Variants in ACSF2 observed in about 807,000 individuals in gnomAD.
ACSF2 encodes the protein medium-chain acyl-CoA ligase ACSF2, mitochondrial.
Under a neutral mutation model 79.3 loss-of-function variants are expected in ACSF2, and 52 were observed. The observed-to-expected ratio is 0.66, with a 90% CI of 0.53 to 0.83. The LOEUF is 0.83. Ranked by LOEUF, ACSF2 falls within the 40% of genes least tolerant of loss-of-function variation. The pLI, the probability that ACSF2 is intolerant of heterozygous loss-of-function variation, is 0.00. For missense variants in ACSF2, 661 were observed against 803.3 expected (o/e 0.82, Z 2.14); for synonymous variants, 283 against 312.6 (o/e 0.91, Z 1.00).
intron 10 of ACSF2, among the ~76,000 whole-genome samples, chr17:50,466,090 C>CTTTTTTTTTTTTTTTT (rs2032699294): frequency 8.2e-6 from 1 of 122,446 alleles, no homozygotes; most frequent in African/African-American, 3.2e-5. Context: ...TTTTTTTTTT[C>CTTTTTTTTTTTTTTTT]CTTTTTTTTT....
At chr17:50,433,095 A>G (rs868074518) in intron 1 of ACSF2, among the ~76,000 whole-genome samples, 2 of 148,800 alleles carry the variant, frequency 1.3e-5, no homozygotes, top group Admixed American at 1.4e-4. Flanking sequence ...ACACACTTAA[A>G]TATGTTTTTC....
At chr17:50,426,660 G>A (rs1227164894) in intron 1 of ACSF2, among the ~76,000 whole-genome samples, 1 of 152,190 alleles carries the variant, frequency 6.6e-6, no homozygotes, top group Non-Finnish European at 1.5e-5. Context: ...GGGCACAGAG[G>A]GCAAGGAGTG....
intron 1 of ACSF2, among the ~76,000 whole-genome samples, chr17:50,428,284 G>C (rs949380837): frequency 6.6e-6 from 1 of 152,010 alleles, no homozygotes; most frequent in Non-Finnish European, 1.5e-5. Context: ...TCAGGAGACC[G>C]GTTTGGCCAA....
chr17:50,468,691 C>G, intron 10 of ACSF2: 27 of 1,613,738 alleles, frequency 1.7e-5, no homozygotes, highest in Non-Finnish European at 2.2e-5. Flanking sequence ...TCTGCAGCCC[C>G]ACCTTGTCGC....
Position 50,471,358 on chromosome 17 carries a change from G to A in ACSF2, c.1323+223G>A. 1 of 540,120 alleles carries A rather than the reference G, an allele frequency of 1.9e-6. No individual in the cohort carries two copies. The highest frequency in any genetic ancestry group is 1.9e-5 in the African/African-American group (1 of 52,666). 33.5% of individuals were successfully genotyped at this position (540,120 alleles called of 1,614,324 possible). ...CAGTGGCTGTGAGCGGCTGCCAGCT[G>A]AACTTCTCCGCGGCCTCCCTTCCTG... On this transcript the variant is annotated intron_variant, in intron 11 of 15. Coordinates refer to ENST00000300441, the MANE Select transcript of ACSF2 (RefSeq NM_025149.6). The surrounding 1 kb of genome is among the most constrained non-coding windows in gnomAD (Gnocchi z 4.1).
At position 50,463,331 on chromosome 17, in the gene ACSF2, G is replaced by T. The variant is rs1041504988; in HGVS notation, c.889-64G>T. The T allele has an allele frequency of 3.1e-6, 5 of 1,610,356 alleles. No individual in the cohort carries two copies. The highest frequency in any genetic ancestry group is 4.2e-6 in the Non-Finnish European group (5 of 1,178,018). ...GTGGGGGGCTGGCTGGGCTCCCCTTGCCAGCTAGAGAGGAACTGGCGTCTG... is the reference window on the plus strand; with the variant it reads ...GTGGGGGGCTGGCTGGGCTCCCCTTTCCAGCTAGAGAGGAACTGGCGTCTG... On this transcript the variant is annotated intron_variant, in intron 7 of 15. Coordinates refer to ENST00000300441, the MANE Select transcript of ACSF2 (RefSeq NM_025149.6). This position sits in a 1 kb window ranked among gnomAD's most constrained non-coding sequence, Gnocchi z 4.6.
intron 1 of ACSF2, among the ~76,000 whole-genome samples, chr17:50,442,654 C>T (rs2031016546): frequency 1.3e-5 from 2 of 151,948 alleles, no homozygotes; most frequent in African/African-American, 4.8e-5. Context: ...TTTGTAGAGA[C>T]GGGGTCTCAA....
intron 1 of ACSF2, among the ~76,000 whole-genome samples, chr17:50,437,046 C>T (rs188085214): frequency 6.6e-6 from 1 of 152,292 alleles, no homozygotes; most frequent in East Asian, 1.9e-4. Flanking sequence ...TATCAACGAC[C>T]ACTGGAAGGT....
At chr17:50,447,352 C>T (rs2031365761) in intron 1 of ACSF2, among the ~76,000 whole-genome samples, 1 of 151,988 alleles carries the variant, frequency 6.6e-6, no homozygotes, top group Non-Finnish European at 1.5e-5. Context: ...ACAGCCTGGG[C>T]AACATGGCGA....
At chr17:50,470,979 C>G in intron 10 of ACSF2, 49 bp from the exon 11 acceptor site, 4 of 1,357,182 alleles carry the variant, frequency 2.9e-6, no homozygotes, top group Non-Finnish European at 4.2e-6. Flanking sequence ...TCACCTGATC[C>G]CTCTGCACGT....
intron 1 of ACSF2, among the ~76,000 whole-genome samples, chr17:50,458,642 C>G (rs2032157291): frequency 6.6e-6 from 1 of 152,222 alleles, no homozygotes; most frequent in African/African-American, 2.4e-5. Flanking sequence ...ACCCTTATCT[C>G]TGCAAGGACA....
chr17:50,447,079 A>G (rs1398730304), intron 1 of ACSF2, among the ~76,000 whole-genome samples: 1 of 152,148 alleles, frequency 6.6e-6, no homozygotes, highest in Middle Eastern at 3.2e-3. Flanking sequence ...ACTATAGTCA[A>G]TTTTAGAACA....
At chr17:50,429,900 A>G (rs182899513) in intron 1 of ACSF2, among the ~76,000 whole-genome samples, 23 of 152,294 alleles carry the variant, frequency 1.5e-4, no homozygotes, top group Admixed American at 1.3e-3. Context: ...CCCCCTATCT[A>G]TGTGCCTCCT....
chr17:50,464,777 G>C lies in ACSF2; in HGVS notation c.1215+483G>C, dbSNP rs572925085. On this transcript the variant is annotated intron_variant, in intron 10 of 15. Transcript: ENST00000300441. ...TGTGGTTCTGATTGACTTGGGGGGG[G>C]GGTCTCAGCAACAGCTTCTCCAAGA... 184 of 331,144 alleles carry C rather than the reference G, an allele frequency of 5.6e-4. 5 individuals are homozygous for C. Among genetic ancestry groups the C allele is most frequent in the African/African-American group, 3.5e-3 (147 of 41,476 alleles). The allele number at this position is 331,144 out of a possible 1,614,324, so 20.5% of individuals were successfully genotyped here.
intron 12 of ACSF2, chr17:50,472,887 G>T (rs554766462): frequency 3.3e-4 from 74 of 226,502 alleles, no homozygotes; most frequent in Non-Finnish European, 5.8e-4. Context: ...GCCGCTAGAG[G>T]TCCAGAGGAA....
Position 50,463,728 on chromosome 17 carries a change from T to A in ACSF2, c.1047-90T>A. On this transcript the variant is annotated intron_variant, in intron 8 of 15. Transcript: ENST00000300441. This position sits in a 1 kb window ranked among gnomAD's most constrained non-coding sequence, Gnocchi z 4.6. The stretch of plus-strand genomic sequence containing the variant: ...TGCCTCAGGAGCTTCTCCTGCCTAT[T>A]CCCTTTGCTGCAGTTTCATGGCGGG... The A allele has an allele frequency of 1.3e-6, 2 of 1,503,940 alleles. No individual in the cohort carries two copies. Among genetic ancestry groups the A allele is most frequent in the East Asian group, 2.3e-5 (1 of 44,228 alleles). 93.2% of individuals were successfully genotyped at this position (1,503,940 alleles called of 1,614,324 possible). A position where few individuals can be genotyped will look rare whatever the true frequency, so the allele number is the denominator to read the frequency against.
rs2030561723 is a variant in ACSF2, at chr17:50,437,852, C to T, written c.128+11463C>T. Among the ~76,000 whole-genome samples, 3 of 152,122 alleles carry T rather than the reference C, an allele frequency of 2.0e-5. No individual in the cohort carries two copies. The South Asian group carries it at 6.2e-4, about 32-fold the overall frequency. ...GAAACACAATTACATGGAAAAATAA[C>T]AAACACCTGTGTGTCTGACAGGGAA... On this transcript the variant is annotated intron_variant, in intron 1 of 15. Transcript: ENST00000300441.
intron 1 of ACSF2, among the ~76,000 whole-genome samples, chr17:50,434,464 A>G (rs2030218295): frequency 6.6e-6 from 1 of 152,114 alleles, no homozygotes; most frequent in South Asian, 2.1e-4. Context: ...AGGCAGGTGG[A>G]TCACCTGAGG....
At position 50,474,360 on chromosome 17, in the gene ACSF2, G is replaced by A; in HGVS notation, c.1797+93G>A. The A allele has an allele frequency of 6.5e-7, 1 of 1,537,166 alleles. No individual in the cohort carries two copies. Among genetic ancestry groups the A allele is most frequent in the Non-Finnish European group, 9.0e-7 (1 of 1,113,030 alleles). On this transcript the variant is annotated intron_variant, in intron 15 of 15. Coordinates refer to ENST00000300441, the MANE Select transcript of ACSF2 (RefSeq NM_025149.6). This position sits in a 1 kb window ranked among gnomAD's most constrained non-coding sequence, Gnocchi z 4.2. ...TTTCCTTCAGCAATGGGTGTGGAGA[G>A]ACTGGCAGTAGGGTGACCGGGTCAC... is the stretch of plus-strand genomic sequence containing the variant.
Sources: allele counts gnomAD v4.1 joint callset (sites outside exome capture counted in the v4.1 genomes callset), GRCh38; gene constraint gnomAD v4.1.1; non-coding constraint Gnocchi (gnomAD v3.1); transcripts MANE v1.5; gene names NCBI Gene and HGNC (gene_info 2026-07-23, HGNC 2026-07-21).